ACOXL: variants seen among roughly 807,000 people sequenced by gnomAD.
ACOXL encodes the protein acyl-coenzyme A oxidase-like protein.
A neutral mutation model predicts 71.9 loss-of-function variants in ACOXL; 70 were observed. That is an observed-to-expected ratio of 0.97 (90% CI 0.80 to 1.19). The LOEUF is 1.19. Ranked by LOEUF, ACOXL falls within the 50% of genes most tolerant of loss-of-function variation. ACOXL has a pLI of 0.00. For synonymous variants in ACOXL, 253 were observed against 281.6 expected, an observed-to-expected ratio of 0.90 and a Z score of 1.02; for missense variants, 703 against 736.3, an observed-to-expected ratio of 0.95 and a Z score of 0.52.
intron 10 of ACOXL, among the ~76,000 whole-genome samples, chr2:110,855,760 C>T (rs563919357): frequency 2.6e-5 from 4 of 152,166 alleles, no homozygotes; most frequent in Admixed American, 2.6e-4. Context: ...GGTTTGTGGT[C>T]TCTCTGACTT....
chr2:110,787,533 C>CAA (rs1175271772), intron 3 of ACOXL, among the ~76,000 whole-genome samples: 874 of 53,530 alleles, frequency 0.016, 15 homozygotes, highest in African/African-American at 0.064. Context: ...GACTCCGTCT[C>CAA]AAAAAAAAAA....
chr2:110,875,475 C>A (rs1391751228), intron 10 of ACOXL, among the ~76,000 whole-genome samples: 2 of 152,098 alleles, frequency 1.3e-5, no homozygotes, highest in South Asian at 2.1e-4. Context: ...AGCGTGGAGC[C>A]CCAGAAGTCA....
At chr2:110,862,378 C>T (rs890180032) in intron 10 of ACOXL, among the ~76,000 whole-genome samples, 2 of 152,184 alleles carry the variant, frequency 1.3e-5, no homozygotes, top group African/African-American at 4.8e-5. Context: ...CGACTCAAGG[C>T]AGAGGAGGGC....
intron 14 of ACOXL, among the ~76,000 whole-genome samples, chr2:111,030,731 C>CAAAA (rs77990030): frequency 6.8e-6 from 1 of 146,148 alleles, no homozygotes; most frequent in African/African-American, 2.5e-5. Flanking sequence ...TCCTTGAGCA[C>CAAAA]AAAAAAAAAA....
chr2:110,853,913 G>GTTTTTTTTTT (rs35717647), intron 10 of ACOXL, among the ~76,000 whole-genome samples: 1 of 142,254 alleles, frequency 7.0e-6, no homozygotes. Flanking sequence ...TAGGACACTT[G>GTTTTTTTTTT]TTTTTTTTTT....
intron 7 of ACOXL, among the ~76,000 whole-genome samples, chr2:110,799,960 C>G (rs2105320665): frequency 6.6e-6 from 1 of 152,284 alleles, no homozygotes; most frequent in Admixed American, 6.5e-5. Flanking sequence ...CTAAAATGCA[C>G]CAATCAGCAG....
At chr2:111,093,756 CGGGA>C in intron 17 of ACOXL, 1 of 423,438 alleles carries the variant, frequency 2.4e-6, no homozygotes, top group South Asian at 4.1e-5. Flanking sequence ...CCCAGCTACT[CGGGA>C]GGCTGAGGCA....
intron 3 of ACOXL, among the ~76,000 whole-genome samples, chr2:110,787,825 C>T (rs934256019): frequency 3.9e-5 from 6 of 152,210 alleles, no homozygotes; most frequent in Admixed American, 6.5e-5. Context: ...ACGTGTCCTT[C>T]CCGCAGGGAT....
At chr2:110,797,161 C>T (rs1455607050) in intron 5 of ACOXL, among the ~76,000 whole-genome samples, 1 of 152,162 alleles carries the variant, frequency 6.6e-6, no homozygotes, top group Non-Finnish European at 1.5e-5. Flanking sequence ...GTGAGGGGAG[C>T]ATTTCCACTA....
At chr2:110,805,475 G>C in intron 9 of ACOXL, 80 bp downstream of exon 9, 2 of 1,561,130 alleles carry the variant, frequency 1.3e-6, no homozygotes, top group Non-Finnish European at 1.8e-6. Context: ...TCCAGGAGCT[G>C]AGCTTCTGGA....
intron 14 of ACOXL, among the ~76,000 whole-genome samples, chr2:111,030,592 C>T (rs2065220585): frequency 6.6e-6 from 1 of 152,140 alleles, no homozygotes; most frequent in African/African-American, 2.4e-5. Flanking sequence ...ATGTGGATCT[C>T]CAGGCCCCGC....
intron 10 of ACOXL, among the ~76,000 whole-genome samples, chr2:110,866,310 G>A (rs1694580501): frequency 6.6e-6 from 1 of 152,182 alleles, no homozygotes; most frequent in South Asian, 2.1e-4. Context: ...TGTTGGAAGA[G>A]TGTGTGGACT....
chr2:111,026,083 T>C (rs2065005226), intron 14 of ACOXL, among the ~76,000 whole-genome samples: 1 of 152,214 alleles, frequency 6.6e-6, no homozygotes, highest in Non-Finnish European at 1.5e-5. Flanking sequence ...CATATGTGGC[T>C]CTGTTTCTGA....
At chr2:110,900,284 A>T (rs4849201) in intron 10 of ACOXL, among the ~76,000 whole-genome samples, 47,323 of 151,960 alleles carry the variant, frequency 0.31, 7,739 homozygotes, top group Middle Eastern at 0.37. Flanking sequence ...TTGTTTGGGA[A>T]AAAGAAACAA....
chr2:110,934,643 C>T (rs538219840), intron 12 of ACOXL, among the ~76,000 whole-genome samples: 1 of 152,274 alleles, frequency 6.6e-6, no homozygotes, highest in South Asian at 2.1e-4. Flanking sequence ...ACGGATGGCA[C>T]AGAGGGGCAA....
chr2:110,892,875 G>T lies in ACOXL; in HGVS notation c.789-15914G>T, dbSNP rs574656223. On this transcript the variant is annotated intron_variant, in intron 10 of 17. Transcript: ENST00000439055. ...AAGAGGGAATGGCTATTTTAAGCAG[G>T]TATAAACAGGAGCCTGTTCACCTTC... 4.6e-5 allele frequency among the ~76,000 whole-genome samples: 7 copies of T among 152,280 alleles called. No individual in the cohort carries two copies. In the East Asian group the frequency reaches 1.3e-3, roughly 29 times the overall value.
At chr2:111,093,050 C>T (rs2068618902) in intron 17 of ACOXL, 84 bp downstream of exon 17, 2 of 1,110,226 alleles carry the variant, frequency 1.8e-6, no homozygotes, top group African/African-American at 1.6e-5. Context: ...TGCCAATCTT[C>T]TATCAGTTTC....
At chr2:111,026,689 AG>A (rs1476240556) in intron 14 of ACOXL, among the ~76,000 whole-genome samples, 2 of 152,102 alleles carry the variant, frequency 1.3e-5, no homozygotes, top group Non-Finnish European at 1.5e-5. Flanking sequence ...TTAACTCAGT[AG>A]TTCCAGTAGC....
chr2:111,053,750 A>G (rs779136524), intron 16 of ACOXL, among the ~76,000 whole-genome samples: 2 of 152,238 alleles, frequency 1.3e-5, no homozygotes, highest in Non-Finnish European at 2.9e-5. Flanking sequence ...CATATCTGGC[A>G]GCAGCTGCCT....
Sources: gnomAD v4.1 joint callset for allele counts (sites outside exome capture counted in the v4.1 genomes callset) on GRCh38, gnomAD v4.1.1 for gene constraint, MANE v1.5 for transcripts, NCBI Gene and HGNC (gene_info 2026-07-23, HGNC 2026-07-21) for gene names.